Variants in PRR5 observed in about 807,000 individuals in gnomAD.
PRR5 encodes proline-rich protein 5.
PRR5 carries 25 observed loss-of-function variants against 30.6 expected under a neutral mutation model. The observed-to-expected ratio is 0.82, with a 90% confidence interval of 0.60 to 1.14. PRR5 has a LOEUF of 1.14. Among genes scored for constraint, PRR5 ranks in the 50% most tolerant of loss-of-function variants. The pLI is 0.00. For synonymous variants in PRR5, 286 were observed against 247.1 expected, an observed-to-expected ratio of 1.16 and a Z score of -1.48; for missense variants, 600 against 547.1, an observed-to-expected ratio of 1.10 and a Z score of -0.96.
At chr22:44,730,384 CTG>C in intron 4 of PRR5, 2 of 984,998 alleles carry the variant, frequency 2.0e-6, no homozygotes, top group Non-Finnish European at 2.4e-6. Flanking sequence ...CGTCCTTGGA[CTG>C]TGCATCCCTG....
chr22:44,735,892 C>T (rs567284854), intron 7 of PRR5, among the ~76,000 whole-genome samples: 49 of 152,302 alleles, frequency 3.2e-4, no homozygotes, highest in Non-Finnish European at 1.8e-4. Flanking sequence ...AGGCAGTGCC[C>T]TGGCTGCTGG....
intron 1 of PRR5, among the ~76,000 whole-genome samples, chr22:44,714,248 G>C (rs185349265): frequency 5.9e-5 from 9 of 152,340 alleles, no homozygotes; most frequent in African/African-American, 1.7e-4. Context: ...GGATGTGTTG[G>C]GGGGTGGGAG....
At chr22:44,668,980 C>A (rs922504248) in intron 1 of PRR5, among the ~76,000 whole-genome samples, 2 of 151,348 alleles carry the variant, frequency 1.3e-5, no homozygotes, top group Non-Finnish European at 3.0e-5. Context: ...GACTGCGGGG[C>A]CCTAGGGTGG....
At chr22:44,708,135 G>A (rs1365251862) in intron 1 of PRR5, among the ~76,000 whole-genome samples, 3 of 152,128 alleles carry the variant, frequency 2.0e-5, no homozygotes, top group Non-Finnish European at 1.5e-5. Context: ...GGGAGACGGA[G>A]GTTGCAGTGA....
chr22:44,729,580 A>G (rs1006388878), intron 4 of PRR5: 7 of 985,252 alleles, frequency 7.1e-6, no homozygotes, highest in Non-Finnish European at 8.4e-6. Flanking sequence ...CGCCCCTTTC[A>G]TAGAGGATGC....
intron 1 of PRR5, among the ~76,000 whole-genome samples, chr22:44,703,382 C>T (rs930329310): frequency 6.6e-6 from 1 of 151,410 alleles, no homozygotes; most frequent in Non-Finnish European, 1.5e-5. Context: ...TTGCCCCTCT[C>T]GCGCCCACAC....
upstream of PRR5, among the ~76,000 whole-genome samples, chr22:44,672,984 C>A (rs756978081): frequency 6.6e-6 from 1 of 152,256 alleles, no homozygotes; most frequent in African/African-American, 2.4e-5. Context: ...CATCAGGAAC[C>A]ACCATGGCGG....
In PRR5 at chr22:44,734,778, C is replaced by G. The variant is rs529225762; in HGVS notation, c.556-249C>G. On this transcript the variant is annotated intron_variant, in intron 6 of 7. Transcript: ENST00000336985. ...CACCCATCTCATCTGGCCACAGGGC[C>G]TTTTTCCAGGGCACACCATGGTCTC... The G allele has an allele frequency of 1.9e-5, 11 of 576,418 alleles. No homozygotes were observed. In the African/African-American group the frequency reaches 2.1e-4, roughly 11 times the overall value. The allele number at this position is 576,418 out of a possible 1,614,324, so 35.7% of individuals were successfully genotyped here.
intron 4 of PRR5, chr22:44,730,590 T>C: frequency 2.0e-6 from 2 of 990,540 alleles, no homozygotes; most frequent in South Asian, 4.5e-5. Context: ...CGATGTCTGC[T>C]ACCTACGTAT....
intron 5 of PRR5, 84 bp from the exon 6 acceptor site, chr22:44,732,141 GGCCTGAGGGTCGGCAGGTCTCTTCCC>G: frequency 6.6e-7 from 1 of 1,523,736 alleles, no homozygotes; most frequent in South Asian, 1.2e-5. Flanking sequence ...GGGGTGGAGG[GGCCTGAGGGTCGGCAGGTCTCTTCCC>G]CCTGTGGGGT....
At chr22:44,728,820 C>A (rs888421391) in intron 4 of PRR5, among the ~76,000 whole-genome samples, 4 of 152,226 alleles carry the variant, frequency 2.6e-5, no homozygotes, top group African/African-American at 7.2e-5. Flanking sequence ...AGCCCCAGGA[C>A]CTTGCCCCCT....
intron 4 of PRR5, among the ~76,000 whole-genome samples, chr22:44,727,843 C>CA (rs1285918030): frequency 3.3e-5 from 5 of 152,196 alleles, no homozygotes; most frequent in African/African-American, 4.8e-5. Context: ...GACAGGAACA[C>CA]AAAGAGAGGC....
At chr22:44,731,563 C>T in intron 4 of PRR5, 167 bp from the exon 5 acceptor site, 2 of 660,588 alleles carry the variant, frequency 3.0e-6, no homozygotes, top group Non-Finnish European at 5.4e-6. Context: ...GGGCCCAGGG[C>T]CATAGAACAG....
At chr22:44,728,006 C>T (rs999262770) in intron 4 of PRR5, among the ~76,000 whole-genome samples, 13 of 152,216 alleles carry the variant, frequency 8.5e-5, no homozygotes, top group African/African-American at 2.7e-4. Flanking sequence ...CACATTCTGG[C>T]GGTGCCTGTA....
chr22:44,725,898 G>A (rs1443994314), intron 3 of PRR5, among the ~76,000 whole-genome samples: 1 of 152,012 alleles, frequency 6.6e-6, no homozygotes, highest in Non-Finnish European at 1.5e-5. Context: ...TCCTGACCTC[G>A]AGGTGATCTG....
chr22:44,712,559 C>T (rs775763042), intron 1 of PRR5, among the ~76,000 whole-genome samples: 4 of 152,176 alleles, frequency 2.6e-5, no homozygotes, highest in African/African-American at 4.8e-5. Flanking sequence ...AGATGCTGGC[C>T]GCTCTGTGAC....
Position 44,736,965 on chromosome 22 carries a change from C to T in PRR5, c.885C>T (p.Phe295=). Residue 295 remains phenylalanine (F), a synonymous_variant, in exon 8 of 8, where the codon TTC becomes TTT. Transcript: ENST00000336985. ...CGTCCTGCCCCGAGCCTCAGGGCTT[C>T]TCCGACCCGCCCGGCCAGGGCCCCA... ...EMTSCPEPQG[F]SDPPGQGPTG... 1 of 1,602,616 alleles carries T rather than the reference C, an allele frequency of 6.2e-7. No individual in the cohort carries two copies.
intron 6 of PRR5, among the ~76,000 whole-genome samples, chr22:44,732,840 ACGTGCACACACGTGCACACGCACATAC>A (rs1569111564): frequency 0.045 from 2,236 of 49,490 alleles, 21 homozygotes; most frequent in South Asian, 0.093. Flanking sequence ...CATACTACAC[ACGTGCACACACGTGCACACGCACATAC>A]TACACACTGC....
At chr22:44,702,140 C>A, upstream of PRR5, 1 of 315,634 alleles carries the variant, frequency 3.2e-6, no homozygotes, top group Non-Finnish European at 4.7e-6. Context: ...CCCCCGCCCC[C>A]TTCCCCGCCC....
Sources: gnomAD v4.1 joint callset for allele counts (sites outside exome capture counted in the v4.1 genomes callset) on GRCh38, gnomAD v4.1.1 for gene constraint, MANE v1.5 for transcripts, NCBI Gene and HGNC (gene_info 2026-07-23, HGNC 2026-07-21) for gene names.